CARNMT1: variants seen among roughly 807,000 people sequenced by gnomAD.
CARNMT1 encodes carnosine N-methyltransferase 1.
In CARNMT1, 28 loss-of-function variants were observed where a neutral mutation model predicts 49.6. The observed-to-expected ratio is 0.56, with a 90% confidence interval of 0.42 to 0.77. The LOEUF is 0.77. Ranked by LOEUF, CARNMT1 falls within the 30% of genes least tolerant of loss-of-function variation. CARNMT1 has a pLI of 0.00. For missense variants in CARNMT1, 421 were observed against 512.6 expected (o/e 0.82, Z 1.73); for synonymous variants, 178 against 175.0 (o/e 1.02, Z -0.13).
At chr9:75,006,744 G>A (rs1008060461) in intron 3 of CARNMT1, among the ~76,000 whole-genome samples, 14 of 152,076 alleles carry the variant, frequency 9.2e-5, no homozygotes, top group South Asian at 8.3e-4. Context: ...TATTCAGAAC[G>A]GTTTTAAATT....
intron 1 of CARNMT1, among the ~76,000 whole-genome samples, chr9:75,020,064 A>G (rs1822298787): frequency 6.6e-6 from 1 of 152,208 alleles, no homozygotes; most frequent in Admixed American, 6.5e-5. Context: ...AAAGCAAAGA[A>G]GTAAAAATTC....
At chr9:74,987,871 A>G (rs1446862128) in intron 6 of CARNMT1, among the ~76,000 whole-genome samples, 3 of 152,078 alleles carry the variant, frequency 2.0e-5, no homozygotes, top group African/African-American at 4.8e-5. Context: ...AAAATTATAT[A>G]TAATTTGAAT....
intron 1 of CARNMT1, 48 bp from the exon 2 acceptor site, chr9:75,017,496 G>A: frequency 6.7e-7 from 1 of 1,502,608 alleles, no homozygotes; most frequent in East Asian, 2.3e-5. Context: ...ATTCTCACCA[G>A]AGGCCAATCT....
intron 3 of CARNMT1, chr9:75,010,004 T>C (rs1021895984): frequency 6.6e-6 from 1 of 151,556 alleles, no homozygotes; most frequent in Non-Finnish European, 1.5e-5. Flanking sequence ...ACAGACAGAG[T>C]ATATGTGTAG....
chr9:74,983,645 G>A lies in CARNMT1; in HGVS notation c.*122C>T, dbSNP rs1187462033. The stretch of plus-strand genomic sequence containing the variant: ...TAGACACTATTTCTAAATTTCGTTA[G>A]GAATAAGAAGGCACCACTGATTTGA... On this transcript the variant is annotated 3_prime_UTR_variant, in exon 8 of 8. Coordinates refer to ENST00000376834, the MANE Select transcript of CARNMT1 (RefSeq NM_152420.3). 1.3e-5 allele frequency: 7 copies of A among 536,044 alleles called. No individual in the cohort carries two copies. In the East Asian group the frequency reaches 1.8e-4, roughly 14 times the overall value. The allele number at this position is 536,044 out of a possible 1,614,324, so 33.2% of individuals were successfully genotyped here.
chr9:75,017,308 A>C lies in CARNMT1; in HGVS notation c.371T>G (p.Leu124Arg). 2 of 1,613,928 alleles carry C rather than the reference A, an allele frequency of 1.2e-6. No homozygotes were observed. The highest frequency in any genetic ancestry group is 1.7e-6 in the Non-Finnish European group (2 of 1,179,826). The change falls in exon 2 of 8, where the codon CTG (leucine) becomes CGG (arginine). Residue 124 changes from leucine (L) to arginine (R), a missense_variant. By Grantham distance (102) the Leu-to-Arg change is moderately radical. Transcript: ENST00000376834. ...KCIDHNQEIL[L>R]TIVNDCIHMF... ...ATGTATGCAATCATTCACAATGGTC[A>C]GTAGTATTTCTTGATTATGATCAAT...
rs375117832 is a variant in CARNMT1, at chr9:75,011,400, C to A, written c.590+4868G>T. On this transcript the variant is annotated intron_variant, in intron 3 of 7. Transcript: ENST00000376834. ...ATTATTATTATTATTGAGACAGGGT[C>A]TTGCTCTGTTGCCCAGGCTGGAATG... Among the ~76,000 whole-genome samples, 12 of 152,248 alleles carry A rather than the reference C, an allele frequency of 7.9e-5. 1 individual carries two copies. Among genetic ancestry groups the A allele is most frequent in the African/African-American group, 2.9e-4 (12 of 41,542 alleles).
At chr9:75,023,263 C>T (rs1822431343) in intron 1 of CARNMT1, among the ~76,000 whole-genome samples, 2 of 152,152 alleles carry the variant, frequency 1.3e-5, no homozygotes, top group South Asian at 4.1e-4. Context: ...GCCCTTCCTG[C>T]CCCACCTCTA....
At chr9:74,987,320 C>T (rs1832874991) in intron 6 of CARNMT1, among the ~76,000 whole-genome samples, 2 of 149,662 alleles carry the variant, frequency 1.3e-5, no homozygotes, top group African/African-American at 5.1e-5. Flanking sequence ...TGCAGCCACA[C>T]AAAGATTTAT....
chr9:75,027,869 G>A, intron 1 of CARNMT1, 143 bp downstream of exon 1: 1 of 928,472 alleles, frequency 1.1e-6, no homozygotes. Flanking sequence ...GGTGACTCGG[G>A]GCCCGGAGGT....
chr9:75,002,639 G>T (rs193101238), intron 3 of CARNMT1, among the ~76,000 whole-genome samples: 2 of 152,144 alleles, frequency 1.3e-5, no homozygotes, highest in African/African-American at 4.8e-5. Context: ...CTGTGGCATA[G>T]CCCTGCTCTG....
chr9:75,014,317 C>T (rs1470548425), intron 3 of CARNMT1, among the ~76,000 whole-genome samples: 2 of 151,872 alleles, frequency 1.3e-5, no homozygotes, highest in East Asian at 3.9e-4. Context: ...GACAACTGGG[C>T]GAATAAGTAA....
At chr9:75,012,738 C>G (rs888859981) in intron 3 of CARNMT1, among the ~76,000 whole-genome samples, 1 of 151,444 alleles carries the variant, frequency 6.6e-6, no homozygotes, top group African/African-American at 2.4e-5. Context: ...TCTTATCTAC[C>G]CCGTCTCTAC....
intron 7 of CARNMT1, among the ~76,000 whole-genome samples, chr9:74,984,276 CCT>C (rs1444534662): frequency 2.0e-5 from 3 of 152,084 alleles, no homozygotes; most frequent in African/African-American, 7.2e-5. Flanking sequence ...TGTGAATATC[CCT>C]CTTACACCTG....
At position 74,998,630 on chromosome 9, in the gene CARNMT1, G is replaced by C. The variant is rs1833266673; in HGVS notation, c.878C>G (p.Ala293Gly). 4 of 1,593,828 alleles carry C rather than the reference G, an allele frequency of 2.5e-6. No homozygotes were observed. The highest frequency in any genetic ancestry group is 3.4e-6 in the Non-Finnish European group (4 of 1,171,954). Residue 293 changes from alanine (A) to glycine (G), a missense_variant, in exon 5 of 8, where the codon GCA becomes GGA. Physicochemically the swap from Ala to Gly is moderately conservative, Grantham distance 60 (BLOSUM62 0). This residue lies in a region of CARNMT1 where 235 missense variants were observed against 344.8 expected (regional missense o/e 0.68). Transcript: ENST00000376834. The part of the protein sequence containing the change: ...LPPGSNFSMT[A>G]GDFQEIYSEC... ...TGAATAAATCTCTTGAAAATCTCCT[G>C]CTGTCATAGAAAAGTTAGAACCAGG... is the stretch of plus-strand genomic sequence containing the variant.
chr9:75,008,122 T>C lies in CARNMT1; in HGVS notation c.590+8146A>G, dbSNP rs542794818. ...GCTTCCCTGGGCCACACTGGAAGAA[T>C]TGTCTTGGGCCACACATAAAATAAC... On this transcript the variant is annotated intron_variant, in intron 3 of 7. Transcript: ENST00000376834. 7.0e-5 allele frequency among the ~76,000 whole-genome samples: 10 copies of C among 142,570 alleles called. No homozygotes were observed. The East Asian group carries it at 1.7e-3, about 24-fold the overall frequency. 93.5% of individuals were successfully genotyped at this position (142,570 alleles called of 152,430 possible). A position where few individuals can be genotyped will look rare whatever the true frequency, so the allele number is the denominator to read the frequency against.
intron 3 of CARNMT1, among the ~76,000 whole-genome samples, chr9:75,009,418 G>A (rs543501082): frequency 9.3e-5 from 14 of 151,192 alleles, no homozygotes; most frequent in African/African-American, 3.4e-4. Flanking sequence ...TTTTCTTTTC[G>A]GTGTAAGTAA....
chr9:75,010,836 C>T (rs1006085282), intron 3 of CARNMT1, among the ~76,000 whole-genome samples: 3 of 66,670 alleles, frequency 4.5e-5, no homozygotes, highest in African/African-American at 1.3e-4. Context: ...TGGGGAGTAA[C>T]TGCTTAATGG....
intron 1 of CARNMT1, among the ~76,000 whole-genome samples, chr9:75,021,219 T>C (rs1822341215): frequency 2.7e-5 from 4 of 146,628 alleles, no homozygotes. Flanking sequence ...TACCTACTGT[T>C]CAATATACTA....
Sources: allele counts gnomAD v4.1 joint callset (sites outside exome capture counted in the v4.1 genomes callset), GRCh38; gene constraint gnomAD v4.1.1; regional missense constraint gnomAD v4.1.1; transcripts MANE v1.5; gene names NCBI Gene and HGNC (gene_info 2026-07-23, HGNC 2026-07-21).